The following AEN variants were observed in gnomAD, a reference collection of about 807,000 sequenced individuals.
The protein encoded by AEN is apoptosis-enhancing nuclease.
Under a neutral mutation model 17.7 loss-of-function variants are expected in AEN, and 21 were observed. That is an observed-to-expected ratio of 1.19 (90% confidence interval 0.84 to 1.71). The LOEUF (loss-of-function observed/expected upper bound fraction) is 1.71, where lower values mean the gene tolerates loss of function less well. Among genes scored for constraint, AEN ranks in the 40% most tolerant of loss-of-function variants. The probability of loss-of-function intolerance (pLI) is 0.00; values close to 1 mark genes in which losing one functional copy is unlikely to be tolerated. For missense variants in AEN, 462 were observed against 435.9 expected, an observed-to-expected ratio of 1.06 and a Z score of -0.53; for synonymous variants, 190 against 173.0, an observed-to-expected ratio of 1.10 and a Z score of -0.77.
intron 1 of AEN, among the ~76,000 whole-genome samples, chr15:88,625,525 A>T (rs545852619): frequency 6.6e-6 from 1 of 152,336 alleles, no homozygotes; most frequent in Admixed American, 6.5e-5. Flanking sequence ...AATTAATTAA[A>T]TAAATAAATT....
chr15:88,627,420 AC>A (rs1274776292), intron 2 of AEN: 1 of 151,594 alleles, frequency 6.6e-6, no homozygotes, highest in Non-Finnish European at 1.5e-5. Flanking sequence ...TAAGATAGAA[AC>A]CTAATAAAAA....
the AEN span, among the ~76,000 whole-genome samples, chr15:88,605,267 C>A: frequency 6.6e-6 from 1 of 152,204 alleles, no homozygotes; most frequent in Non-Finnish European, 1.5e-5. This position sits in a 1 kb window ranked among gnomAD's most constrained non-coding sequence, Gnocchi z 7.6. Flanking sequence ...CGCTCGGTCC[C>A]GCGCCCAGTA....
chr15:88,608,066 G>A, the AEN span: 2 of 505,732 alleles, frequency 4.0e-6, no homozygotes, highest in South Asian at 2.9e-5. Context: ...TTTCTTTATG[G>A]ACAAAGGGTC....
upstream of AEN, among the ~76,000 whole-genome samples, chr15:88,616,506 G>A (rs751492573): frequency 1.3e-5 from 2 of 152,218 alleles, no homozygotes; most frequent in Non-Finnish European, 2.9e-5. Flanking sequence ...GCAGAAGTTG[G>A]AGGGTGAGTT....
At chr15:88,607,513 T>A in the AEN span, among the ~76,000 whole-genome samples, 1 of 152,222 alleles carries the variant, frequency 6.6e-6, no homozygotes, top group Non-Finnish European at 1.5e-5. Flanking sequence ...TCATCTCAAA[T>A]AAGTCTAAGT....
intron 1 of AEN, among the ~76,000 whole-genome samples, chr15:88,623,022 C>G (rs2057807660): frequency 6.6e-6 from 1 of 152,104 alleles, no homozygotes; most frequent in African/African-American, 2.4e-5. Flanking sequence ...GGAAAGCCAC[C>G]CACCCTACTC....
the AEN span, among the ~76,000 whole-genome samples, chr15:88,615,852 C>A: frequency 6.6e-6 from 1 of 152,046 alleles, no homozygotes; most frequent in African/African-American, 2.4e-5. Flanking sequence ...CCCACAGTAC[C>A]CCCAAAAAGT....
chr15:88,630,309 T>C lies in AEN; in HGVS notation c.*15T>C. On this transcript the variant is annotated 3_prime_UTR_variant, in exon 4 of 4. Transcript: ENST00000332810. This position sits in a 1 kb window ranked among gnomAD's most constrained non-coding sequence, Gnocchi z 5.1. ...GAAGGAATTGAGAAGGGGGCGGGGC[T>C]CCCTGGCTGGGCTTCCGGTGTGGCC... 6.4e-7 allele frequency: 1 copy of C among 1,559,502 alleles called. No homozygotes were observed. The highest frequency in any genetic ancestry group is 8.7e-7 in the Non-Finnish European group (1 of 1,151,088).
rs775685764 is a variant in AEN at position 88,626,600 on chromosome 15, C to A, written c.391C>A (p.Arg131Ser). The A allele has an allele frequency of 2.5e-6, 4 of 1,614,098 alleles. No homozygotes were observed. In the South Asian group the frequency reaches 4.4e-5, roughly 18 times the overall value. ...CCGAGGGCGGGTAAGCGAGCTGGCC[C>A]GCTGTTCCATTGTGAGCTACCATGG... Reference protein sequence around the residue: ...GPRGRVSELARCSIVSYHGNV... With the variant: ...GPRGRVSELASCSIVSYHGNV... Residue 131 changes from arginine (R) to serine (S), a missense_variant, in exon 2 of 4, where the codon CGC becomes AGC. Transcript: ENST00000332810.
the AEN span, among the ~76,000 whole-genome samples, chr15:88,610,366 T>C: frequency 1.7e-3 from 263 of 151,378 alleles, 1 homozygote; most frequent in Non-Finnish European, 3.2e-3. Flanking sequence ...TGTTTCTTGA[T>C]AGATTAAAGG....
upstream of AEN, among the ~76,000 whole-genome samples, chr15:88,618,782 C>G (rs1188828797): frequency 6.6e-6 from 1 of 152,114 alleles, no homozygotes; most frequent in Non-Finnish European, 1.5e-5. Context: ...ATTATCTATA[C>G]TCATGTATTT....
At chr15:88,625,031 C>G (rs76805089) in intron 1 of AEN, among the ~76,000 whole-genome samples, 4,125 of 152,284 alleles carry the variant, frequency 0.027, 110 homozygotes, top group African/African-American at 0.068. Flanking sequence ...CTGGGTTTTG[C>G]AAACTCACAT....
At chr15:88,605,987 C>T in the AEN span, among the ~76,000 whole-genome samples, 25 of 152,352 alleles carry the variant, frequency 1.6e-4, no homozygotes, top group Middle Eastern at 3.4e-3. The surrounding 1 kb of genome is among the most constrained non-coding windows in gnomAD (Gnocchi z 7.6). Context: ...TTCCTCATTT[C>T]TCCAGGGATT....
chr15:88,626,158 T>A lies in AEN; in HGVS notation c.-52T>A. 6.6e-7 allele frequency: 1 copy of A among 1,516,046 alleles called. No homozygotes were observed. The highest frequency in any genetic ancestry group is 8.8e-7 in the Non-Finnish European group (1 of 1,135,918). The allele number at this position is 1,516,046 out of a possible 1,614,324, so 93.9% of individuals were successfully genotyped here. On this transcript the variant is annotated 5_prime_UTR_variant, in exon 2 of 4. It adds an upstream start codon to the 5' untranslated region. Transcript: ENST00000332810. ...GTTCTCTCTTCAGGCTGCTGCCCCA[T>A]TGGAAGATTACTCCCCAGGCTTCCC...
chr15:88,621,228 C>T (rs1258103131), upstream of AEN: 1 of 152,316 alleles, frequency 6.6e-6, no homozygotes, highest in Admixed American at 6.5e-5. Context: ...TCCCCGCTGC[C>T]AGGCAGGCTC....
the AEN span, chr15:88,611,843 G>C: frequency 7.7e-6 from 4 of 516,994 alleles, 1 homozygote; most frequent in Non-Finnish European, 1.6e-5. Context: ...AGAGTGGACC[G>C]GCTGGCCCCA....
the AEN span, among the ~76,000 whole-genome samples, chr15:88,615,051 G>A: frequency 6.6e-6 from 1 of 151,530 alleles, no homozygotes; most frequent in East Asian, 1.9e-4. Context: ...ATTTTTAGTA[G>A]AGAAAGGGTT....
chr15:88,630,501 T>C lies in AEN; in HGVS notation c.*207T>C, dbSNP rs3743474. 578,263 of 581,084 alleles carry C rather than the reference T, an allele frequency of 1. 287,784 individuals are homozygous for C. Among genetic ancestry groups the C allele is most frequent in the Middle Eastern group, 1 (2,158 of 2,158 alleles). The allele number at this position is 581,084 out of a possible 1,614,324, so 36.0% of individuals were successfully genotyped here. A position where few individuals can be genotyped will look rare whatever the true frequency, so the allele number is the denominator to read the frequency against. On this transcript the variant is annotated 3_prime_UTR_variant, in exon 4 of 4. Coordinates refer to ENST00000332810, the MANE Select transcript of AEN (RefSeq NM_022767.4). This position sits in a 1 kb window ranked among gnomAD's most constrained non-coding sequence, Gnocchi z 5.1. ...CTCTCCAGGGCTGTTGGTTCTTTCT[T>C]CTGACTCCTGTGGTTTTGCTAATGG...
At chr15:88,606,966 GAA>G in the AEN span, among the ~76,000 whole-genome samples, 1 of 151,102 alleles carries the variant, frequency 6.6e-6, no homozygotes, top group African/African-American at 2.4e-5. Flanking sequence ...CTTAAAATGA[GAA>G]AAAAAAATTG....
Sources: gnomAD v4.1 joint callset for allele counts (sites outside exome capture counted in the v4.1 genomes callset) on GRCh38, gnomAD v4.1.1 for gene constraint, Gnocchi (gnomAD v3.1) non-coding constraint, MANE v1.5 for transcripts, NCBI Gene and HGNC (gene_info 2026-07-23, HGNC 2026-07-21) for gene names.